Variants in MPZL3 observed in about 807,000 individuals in gnomAD.
MPZL3 encodes myelin protein zero-like protein 3.
Under a neutral mutation model 24.8 loss-of-function variants are expected in MPZL3, and 23 were observed. The ratio of observed to expected loss-of-function variants is 0.93; its 90% CI spans 0.67 to 1.31. The LOEUF (loss-of-function observed/expected upper bound fraction) is 1.31. MPZL3 is among the 40% of genes most tolerant of loss of function. The probability of loss-of-function intolerance (pLI) is 0.00; values close to 1 mark genes in which losing one functional copy is unlikely to be tolerated. For synonymous variants in MPZL3, 99 were observed against 106.5 expected (o/e 0.93, Z 0.44); for missense variants, 277 against 294.9 (o/e 0.94, Z 0.44).
chr11:118,250,308 AT>A (rs2134720433), intron 1 of MPZL3, among the ~76,000 whole-genome samples: 1 of 149,980 alleles, frequency 6.7e-6, no homozygotes, highest in African/African-American at 2.5e-5. Flanking sequence ...TACAGATATT[AT>A]TCTATTTATA....
Position 118,252,315 on chromosome 11 carries a change from T to A in MPZL3, c.-21A>T. On this transcript the variant is annotated 5_prime_UTR_variant, in exon 1 of 6. The change creates a new upstream start codon in the 5' untranslated region. Transcript: ENST00000278949. ...TGCATCCCGGCAGCTCTTCAGATGC[T>A]TGCACACCTTGTTTACAGCTCCCGG... The A allele has an allele frequency of 6.2e-7, 1 of 1,612,044 alleles. No individual in the cohort carries two copies. The highest frequency in any genetic ancestry group is 8.5e-7 in the Non-Finnish European group (1 of 1,178,488).
At chr11:118,240,507 G>A (rs913641585) in intron 1 of MPZL3, 130 bp from the exon 2 acceptor site, 2 of 873,524 alleles carry the variant, frequency 2.3e-6, no homozygotes, top group Non-Finnish European at 3.4e-6. Flanking sequence ...ATCTTCTCAG[G>A]CAAGCCCACA....
intron 2 of MPZL3, among the ~76,000 whole-genome samples, chr11:118,237,586 G>A (rs1373099654): frequency 6.6e-6 from 1 of 152,072 alleles, no homozygotes; most frequent in Non-Finnish European, 1.5e-5. Context: ...CACAACTGGG[G>A]AGATGCTACC....
chr11:118,250,226 C>T (rs1025443096), intron 1 of MPZL3, among the ~76,000 whole-genome samples: 30 of 134,064 alleles, frequency 2.2e-4, no homozygotes, highest in Admixed American at 1.2e-3. Flanking sequence ...GGTTTTACCA[C>T]GTTGGCCAGG....
At chr11:118,242,229 AAGCTTC>A (rs1949506616) in intron 1 of MPZL3, among the ~76,000 whole-genome samples, 1 of 152,206 alleles carries the variant, frequency 6.6e-6, no homozygotes, top group Non-Finnish European at 1.5e-5. Flanking sequence ...TAACCAGTTC[AAGCTTC>A]AATGTCTTCA....
chr11:118,252,095 C>A, intron 1 of MPZL3, 127 bp downstream of exon 1: 1 of 880,666 alleles, frequency 1.1e-6, no homozygotes, highest in Non-Finnish European at 1.9e-6. Flanking sequence ...ACGTCCCGCT[C>A]CCTCCCTCCT....
intron 1 of MPZL3, among the ~76,000 whole-genome samples, chr11:118,247,768 C>T (rs1318799523): frequency 6.6e-6 from 1 of 152,048 alleles, no homozygotes; most frequent in African/African-American, 2.4e-5. Flanking sequence ...GCCACCATGC[C>T]CGGTTTATGC....
At chr11:118,236,392 A>G (rs902926034) in intron 3 of MPZL3, among the ~76,000 whole-genome samples, 1 of 152,130 alleles carries the variant, frequency 6.6e-6, no homozygotes, top group Non-Finnish European at 1.5e-5. Flanking sequence ...GGAGGGAGAG[A>G]AGGAGGAAAA....
chr11:118,251,817 A>G (rs1386839626), intron 1 of MPZL3, among the ~76,000 whole-genome samples: 1 of 152,212 alleles, frequency 6.6e-6, no homozygotes, highest in Non-Finnish European at 1.5e-5. Context: ...TTTGTTTCCC[A>G]AAACTACTGG....
At chr11:118,236,234 T>C (rs1949424100) in intron 3 of MPZL3, among the ~76,000 whole-genome samples, 1 of 152,072 alleles carries the variant, frequency 6.6e-6, no homozygotes, top group African/African-American at 2.4e-5. Context: ...AATGTGCTCA[T>C]CTTTGAAACC....
At chr11:118,241,339 G>A (rs1343634693) in intron 1 of MPZL3, among the ~76,000 whole-genome samples, 2 of 152,178 alleles carry the variant, frequency 1.3e-5, no homozygotes, top group Admixed American at 1.3e-4. Flanking sequence ...AAACCCACAC[G>A]CTGTCCTGAA....
chr11:118,249,484 G>GTCC (rs1949595339), intron 1 of MPZL3, among the ~76,000 whole-genome samples: 2 of 152,238 alleles, frequency 1.3e-5, no homozygotes, highest in East Asian at 3.9e-4. Context: ...CTCTTCATCT[G>GTCC]AGCAGAAAAG....
intron 2 of MPZL3, 115 bp downstream of exon 2, chr11:118,240,096 G>T: frequency 9.6e-7 from 1 of 1,043,304 alleles, no homozygotes; most frequent in South Asian, 2.0e-5. Context: ...CTCTATTAAA[G>T]TAGAAGCCCA....
At chr11:118,244,920 C>CA (rs1949540978) in intron 1 of MPZL3, among the ~76,000 whole-genome samples, 2 of 150,876 alleles carry the variant, frequency 1.3e-5, no homozygotes, top group South Asian at 2.1e-4. Context: ...ACTAAAAATA[C>CA]AAAAAATTAG....
chr11:118,252,109 T>TTCCC (rs1949626073), intron 1 of MPZL3, 113 bp downstream of exon 1: 9 of 1,025,994 alleles, frequency 8.8e-6, no homozygotes, highest in Admixed American at 7.4e-5. Flanking sequence ...CCCTCCTTCC[T>TTCCC]TCCCAGAGCT....
Position 118,237,303 on chromosome 11 carries a change from T to C in MPZL3, c.241-43A>G, listed in dbSNP as rs1231757828. 4 of 1,564,962 alleles carry C rather than the reference T, an allele frequency of 2.6e-6. No individual in the cohort carries two copies. The Admixed American group carries it at 6.7e-5, about 26-fold the overall frequency. ...TGAGAGAAAAGGTTAACTTGGAAAA[T>C]GCAATGAAAATATAAAGCTCAGTAG... On this transcript the variant is annotated intron_variant, in intron 2 of 5. Transcript: ENST00000278949.
intron 1 of MPZL3, among the ~76,000 whole-genome samples, chr11:118,243,129 C>A (rs1000506098): frequency 4.6e-5 from 7 of 152,196 alleles, no homozygotes; most frequent in African/African-American, 1.7e-4. Context: ...CACGACTGGA[C>A]AATTACCATA....
At chr11:118,250,626 G>A (rs1949609249) in intron 1 of MPZL3, among the ~76,000 whole-genome samples, 1 of 152,086 alleles carries the variant, frequency 6.6e-6, no homozygotes, top group Admixed American at 6.5e-5. Context: ...TGTCGCCCAG[G>A]CTAGAGTGCA....
chr11:118,251,275 C>G (rs1486302710), intron 1 of MPZL3, among the ~76,000 whole-genome samples: 5 of 151,940 alleles, frequency 3.3e-5, no homozygotes, highest in African/African-American at 1.2e-4. Context: ...TATTAGTCAC[C>G]AGTTAAAAAC....
Sources: gnomAD v4.1 joint callset for allele counts (sites outside exome capture counted in the v4.1 genomes callset) on GRCh38, gnomAD v4.1.1 for gene constraint, MANE v1.5 for transcripts, NCBI Gene and HGNC (gene_info 2026-07-23, HGNC 2026-07-21) for gene names.